GBE1: variants seen among roughly 807,000 people sequenced by gnomAD.
GBE1 encodes 1,4-alpha-glucan-branching enzyme.
A neutral mutation model predicts 88.8 loss-of-function variants in GBE1; 70 were observed. The ratio of observed to expected loss-of-function variants is 0.79; its 90% CI spans 0.65 to 0.96. The LOEUF (loss-of-function observed/expected upper bound fraction) is 0.96. GBE1 is among the 40% of genes least tolerant of loss of function. The pLI, the probability that GBE1 is intolerant of heterozygous loss-of-function variation, is 0.00. For missense variants in GBE1, 872 were observed against 871.0 expected (o/e 1.00, Z -0.01); for synonymous variants, 284 against 300.1 (o/e 0.95, Z 0.56).
intron 7 of GBE1, among the ~76,000 whole-genome samples, chr3:81,604,969 C>T (rs935076259): frequency 3.3e-5 from 5 of 152,018 alleles, no homozygotes; most frequent in African/African-American, 1.2e-4. Context: ...CACACATGGG[C>T]ATTCATGCAA....
At chr3:81,537,171 T>G (rs1703089365) in intron 12 of GBE1, 76 bp from the exon 13 acceptor site, 2 of 918,374 alleles carry the variant, frequency 2.2e-6, no homozygotes, top group South Asian at 2.7e-5. Flanking sequence ...AATAATTATA[T>G]GTTTTTAATG....
chr3:81,621,372 T>C (rs1435933396), intron 7 of GBE1, among the ~76,000 whole-genome samples: 1 of 152,212 alleles, frequency 6.6e-6, no homozygotes, highest in Non-Finnish European at 1.5e-5. Context: ...GTTAAGTATA[T>C]GAAAATGTAA....
chr3:81,636,951 C>T (rs1462290057), intron 7 of GBE1, among the ~76,000 whole-genome samples: 2 of 152,120 alleles, frequency 1.3e-5, no homozygotes, highest in South Asian at 2.1e-4. Context: ...AAAACAAATA[C>T]ATTAGCTCTC....
intron 12 of GBE1, among the ~76,000 whole-genome samples, chr3:81,562,335 T>G (rs891823729): frequency 6.6e-6 from 1 of 152,106 alleles, no homozygotes; most frequent in African/African-American, 2.4e-5. Flanking sequence ...CTTTGTTGCA[T>G]CTCCTCTGGA....
chr3:81,727,246 T>C (rs1295463005), intron 1 of GBE1, among the ~76,000 whole-genome samples: 4 of 152,206 alleles, frequency 2.6e-5, no homozygotes, highest in African/African-American at 9.7e-5. Flanking sequence ...GGTGCAATAT[T>C]TGTAAAACTT....
intron 12 of GBE1, among the ~76,000 whole-genome samples, chr3:81,573,318 C>T (rs918179623): frequency 1.3e-5 from 2 of 152,132 alleles, no homozygotes; most frequent in African/African-American, 4.8e-5. Flanking sequence ...TGCTTCAAGC[C>T]TACTCTTACT....
chr3:81,499,236 C>T lies in GBE1; in HGVS notation c.1935-9G>A. Reference sequence around the variant, plus strand: ...CTAGCACAATTTTGAATGTACAGCTCTTAAGGAATTCACAACAGTTGAGGA... The same window carrying T: ...CTAGCACAATTTTGAATGTACAGCTTTTAAGGAATTCACAACAGTTGAGGA... On this transcript the variant is annotated splice_polypyrimidine_tract_variant and intron_variant, in intron 14 of 15. Coordinates refer to ENST00000429644, the MANE Select transcript of GBE1 (RefSeq NM_000158.4). 6.6e-7 allele frequency: 1 copy of T among 1,509,712 alleles called. No homozygotes were observed. The highest frequency in any genetic ancestry group is 9.2e-7 in the Non-Finnish European group (1 of 1,088,790). The allele number at this position is 1,509,712 out of a possible 1,614,324, so 93.5% of individuals were successfully genotyped here. A position where few individuals can be genotyped will look rare whatever the true frequency, so the allele number is the denominator to read the frequency against.
At chr3:81,568,243 G>A (rs1233663674) in intron 12 of GBE1, among the ~76,000 whole-genome samples, 1 of 152,028 alleles carries the variant, frequency 6.6e-6, no homozygotes, top group Non-Finnish European at 1.5e-5. Flanking sequence ...TGCCTCCCGG[G>A]TTCAAGTGAT....
At chr3:81,639,311 A>C (rs1704635826) in intron 7 of GBE1, among the ~76,000 whole-genome samples, 2 of 151,894 alleles carry the variant, frequency 1.3e-5, no homozygotes, top group African/African-American at 4.8e-5. Context: ...TTTTCTAATT[A>C]CAATGGCATT....
intron 6 of GBE1, among the ~76,000 whole-genome samples, chr3:81,645,762 C>T (rs1170773366): frequency 1.3e-5 from 2 of 152,116 alleles, no homozygotes; most frequent in African/African-American, 4.8e-5. Flanking sequence ...TTATAGTTCC[C>T]TGTCATTTTC....
intron 7 of GBE1, among the ~76,000 whole-genome samples, chr3:81,629,212 T>C (rs1376075656): frequency 5.9e-5 from 7 of 118,968 alleles, no homozygotes; most frequent in African/African-American, 1.0e-4. Flanking sequence ...CAGAGTGTGA[T>C]ATTCCCCTTC....
chr3:81,581,402 T>C (rs1366287785), intron 10 of GBE1, 127 bp from the exon 11 acceptor site: 2 of 588,550 alleles, frequency 3.4e-6, no homozygotes, highest in Non-Finnish European at 2.9e-6. Context: ...TCCACCCATA[T>C]AGCAAAGTTA....
At chr3:81,643,039 A>T (rs781481523) in intron 6 of GBE1, 49 bp from the exon 7 acceptor site, 15 of 1,251,136 alleles carry the variant, frequency 1.2e-5, no homozygotes, top group Non-Finnish European at 1.6e-5. Flanking sequence ...CATTTAGAGG[A>T]AACAGCCGAT....
intron 2 of GBE1, among the ~76,000 whole-genome samples, chr3:81,688,623 C>G (rs1027780555): frequency 6.6e-6 from 1 of 152,020 alleles, no homozygotes; most frequent in African/African-American, 2.4e-5. Context: ...CTGTGTTTAG[C>G]AAATAATATA....
intron 3 of GBE1, among the ~76,000 whole-genome samples, chr3:81,659,957 T>G (rs1704999504): frequency 6.6e-6 from 1 of 152,216 alleles, no homozygotes. Flanking sequence ...ACACTATCAT[T>G]CTTTTCTCTC....
At chr3:81,582,994 G>C (rs1703755594) in intron 10 of GBE1, among the ~76,000 whole-genome samples, 1 of 151,878 alleles carries the variant, frequency 6.6e-6, no homozygotes, top group Non-Finnish European at 1.5e-5. Context: ...CAAAGAAGTT[G>C]AATCTAAAAT....
rs565253232 is a variant in GBE1 at position 81,648,862 on chromosome 3, C to A, written c.685G>T (p.Gly229Cys). Residue 229 changes from glycine to cysteine, a missense_variant, in exon 5 of 16, where the codon GGC (glycine) becomes TGC (cysteine). Coordinates refer to ENST00000429644, the MANE Select transcript of GBE1 (RefSeq NM_000158.4). The part of the protein sequence containing the change: ...FTCNVLPRIK[G>C]LGYNCIQLMA... ...AATCACAGTTATTACTTACCAAGGC[C>A]TTTGATTCTTGGTAGTACATTGCAT... 3 of 1,514,688 alleles carry A rather than the reference C, an allele frequency of 2.0e-6. No individual in the cohort carries two copies. Among genetic ancestry groups the A allele is most frequent in the East Asian group, 4.8e-5 (2 of 41,688 alleles). The allele number at this position is 1,514,688 out of a possible 1,614,324, so 93.8% of individuals were successfully genotyped here. A position where few individuals can be genotyped will look rare whatever the true frequency, so the allele number is the denominator to read the frequency against.
chr3:81,627,473 C>T (rs982520938), intron 7 of GBE1, among the ~76,000 whole-genome samples: 1 of 151,956 alleles, frequency 6.6e-6, no homozygotes, highest in East Asian at 1.9e-4. Flanking sequence ...CACATACTCA[C>T]ATGGAAGAGA....
intron 14 of GBE1, among the ~76,000 whole-genome samples, chr3:81,512,231 T>C (rs1484752483): frequency 6.6e-6 from 1 of 151,504 alleles, no homozygotes; most frequent in Non-Finnish European, 1.5e-5. Flanking sequence ...TCTGAAAAAA[T>C]ACCTACTGGG....
Sources: gnomAD v4.1 joint callset for allele counts (sites outside exome capture counted in the v4.1 genomes callset) on GRCh38, gnomAD v4.1.1 for gene constraint, MANE v1.5 for transcripts, NCBI Gene and HGNC (gene_info 2026-07-23, HGNC 2026-07-21) for gene names.